Variants in LRMDA observed in about 807,000 individuals in gnomAD.
LRMDA encodes leucine rich melanocyte differentiation associated, also known as leucine-rich melanocyte differentiation-associated protein.
Under a neutral mutation model 29.8 loss-of-function variants are expected in LRMDA, and 18 were observed. The observed-to-expected ratio is 0.60, with a 90% CI of 0.42 to 0.90. The LOEUF is 0.90. LRMDA is among the 40% of genes least tolerant of loss of function. The probability of loss-of-function intolerance (pLI) is 0.00; values close to 1 mark genes in which losing one functional copy is unlikely to be tolerated. For missense variants in LRMDA, 273 were observed against 273.9 expected, an observed-to-expected ratio of 1.00 and a Z score of 0.02; for synonymous variants, 125 against 109.4, an observed-to-expected ratio of 1.14 and a Z score of -0.89.
intron 6 of LRMDA, among the ~76,000 whole-genome samples, chr10:76,513,813 T>C (rs189943982): frequency 6.5e-4 from 99 of 152,308 alleles, no homozygotes; most frequent in African/African-American, 2.3e-3. Flanking sequence ...GGCAGAGGGA[T>C]AGGCAGGTCA....
intron 2 of LRMDA, among the ~76,000 whole-genome samples, chr10:75,630,184 C>T (rs1473338580): frequency 1.3e-5 from 2 of 152,198 alleles, no homozygotes; most frequent in African/African-American, 2.4e-5. Context: ...GCTGCATTTT[C>T]CTCCTGGCTG....
intron 5 of LRMDA, among the ~76,000 whole-genome samples, chr10:76,076,148 C>T (rs1848952763): frequency 6.6e-6 from 1 of 152,034 alleles, no homozygotes; most frequent in Middle Eastern, 3.4e-3. Flanking sequence ...TCAAGACCAT[C>T]CTGGCTAACA....
At chr10:76,058,020 G>A (rs1351908092) in intron 4 of LRMDA, among the ~76,000 whole-genome samples, 1 of 152,208 alleles carries the variant, frequency 6.6e-6, no homozygotes, top group African/African-American at 2.4e-5. Flanking sequence ...GGGAAATGGA[G>A]AGCACCTAGC....
chr10:76,030,721 G>A (rs980044698), intron 2 of LRMDA, among the ~76,000 whole-genome samples: 1 of 152,176 alleles, frequency 6.6e-6, no homozygotes, highest in Admixed American at 6.5e-5. Flanking sequence ...CCTGGGAGGC[G>A]GAGGTTGCAG....
chr10:75,440,863 CTG>C (rs1844318567), intron 2 of LRMDA, among the ~76,000 whole-genome samples: 1 of 152,102 alleles, frequency 6.6e-6, no homozygotes, highest in Non-Finnish European at 1.5e-5. Flanking sequence ...TGGTGAAATC[CTG>C]TCTCTACTAA....
chr10:76,436,791 T>C (rs1038267779), intron 6 of LRMDA, among the ~76,000 whole-genome samples: 1 of 152,174 alleles, frequency 6.6e-6, no homozygotes, highest in African/African-American at 2.4e-5. Context: ...TGACCTTCTA[T>C]AGGTCAGAGC....
rs188949894 is a variant in LRMDA at position 75,572,319 on chromosome 10, T to A, written c.131+133825T>A. On this transcript the variant is annotated intron_variant, in intron 2 of 6. Coordinates refer to ENST00000611255, the MANE Select transcript of LRMDA (RefSeq NM_001305581.2). ...ACATGGAATAAAAACTCTACCCCTA[T>A]TCCCTGTCTTCTTTTTCAGCTTTTT... Among the ~76,000 whole-genome samples the A allele has an allele frequency of 6.5e-3, 982 of 152,134 alleles. 14 individuals carry two copies. The highest frequency in any genetic ancestry group is 0.022 in the African/African-American group (917 of 41,510).
At chr10:75,644,618 G>C (rs919503791) in intron 2 of LRMDA, among the ~76,000 whole-genome samples, 1 of 152,124 alleles carries the variant, frequency 6.6e-6, no homozygotes, top group Non-Finnish European at 1.5e-5. Flanking sequence ...CGGCTGGGTT[G>C]TGGGTCCAGG....
In LRMDA at chr10:76,179,667, A is replaced by G. The variant is rs569320344; in HGVS notation, c.516+120884A>G. 2.0e-5 allele frequency among the ~76,000 whole-genome samples: 3 copies of G among 152,338 alleles called. No individual in the cohort carries two copies. In the East Asian group the frequency reaches 5.8e-4, roughly 29 times the overall value. ...TTTATTCTTTGTAATTGCTAAGGGC[A>G]CAGCTAGAATCCACGGACATATTTA... On this transcript the variant is annotated intron_variant, in intron 5 of 6. Transcript: ENST00000611255.
chr10:76,327,668 A>AG (rs1374753582), intron 6 of LRMDA, among the ~76,000 whole-genome samples: 1 of 152,164 alleles, frequency 6.6e-6, no homozygotes, highest in Non-Finnish European at 1.5e-5. Flanking sequence ...ATAGGAACCC[A>AG]GGGGAAGGGT....
At chr10:76,231,007 C>T (rs919289256) in intron 5 of LRMDA, among the ~76,000 whole-genome samples, 2 of 152,106 alleles carry the variant, frequency 1.3e-5, no homozygotes, top group Admixed American at 1.3e-4. Flanking sequence ...AAACTATTAG[C>T]TTGTTTGCAA....
At position 76,541,222 on chromosome 10, in the gene LRMDA, C is replaced by T. The variant is rs1564571146; in HGVS notation, c.602-15987C>T. Among the ~76,000 whole-genome samples the T allele has an allele frequency of 3.3e-5, 5 of 152,124 alleles. No homozygotes were observed. The South Asian group carries it at 1.0e-3, about 31-fold the overall frequency. ...GTGCCCTAATAGAGAAGGGTGAAGC[C>T]GGGAATGCTGGCTCACGCCTGTAAT... is the stretch of plus-strand genomic sequence containing the variant. On this transcript the variant is annotated intron_variant, in intron 6 of 6. Coordinates refer to ENST00000611255, the MANE Select transcript of LRMDA (RefSeq NM_001305581.2).
At chr10:76,513,950 A>G (rs1379815730) in intron 6 of LRMDA, among the ~76,000 whole-genome samples, 3 of 152,160 alleles carry the variant, frequency 2.0e-5, no homozygotes, top group African/African-American at 7.2e-5. Context: ...CTTTTCTGTC[A>G]TTATTGAATA....
At chr10:76,041,435 T>C (rs574244699) in intron 3 of LRMDA, among the ~76,000 whole-genome samples, 1 of 152,364 alleles carries the variant, frequency 6.6e-6, no homozygotes, top group East Asian at 1.9e-4. Flanking sequence ...GTTTCCTTAA[T>C]TGTTATTTCA....
intron 2 of LRMDA, among the ~76,000 whole-genome samples, chr10:75,799,779 C>T (rs1346323094): frequency 1.3e-5 from 2 of 151,628 alleles, no homozygotes. Context: ...CTCCTGGCCT[C>T]AAGTGATCCG....
At chr10:76,482,817 C>G (rs1426816707) in intron 6 of LRMDA, among the ~76,000 whole-genome samples, 2 of 151,892 alleles carry the variant, frequency 1.3e-5, no homozygotes, top group East Asian at 1.9e-4. Flanking sequence ...AGCAGTTGTT[C>G]CATACAGCAT....
intron 2 of LRMDA, among the ~76,000 whole-genome samples, chr10:75,896,529 G>C (rs562305198): frequency 3.9e-5 from 6 of 152,302 alleles, no homozygotes; most frequent in Admixed American, 3.3e-4. Flanking sequence ...CCTGTGGCCT[G>C]TGGTGTTGCC....
chr10:75,765,330 A>G (rs1843149592), intron 2 of LRMDA, among the ~76,000 whole-genome samples: 1 of 151,948 alleles, frequency 6.6e-6, no homozygotes, highest in African/African-American at 2.4e-5. Context: ...AACTGAGGAC[A>G]CTAGTTATTG....
chr10:76,145,046 T>A (rs536661625), intron 5 of LRMDA, among the ~76,000 whole-genome samples: 1 of 152,316 alleles, frequency 6.6e-6, no homozygotes, highest in African/African-American at 2.4e-5. Flanking sequence ...TGAAGCCCAG[T>A]TGATCATGGA....
Sources: allele counts gnomAD v4.1 joint callset (sites outside exome capture counted in the v4.1 genomes callset), GRCh38; gene constraint gnomAD v4.1.1; transcripts MANE v1.5; gene names NCBI Gene and HGNC (gene_info 2026-07-23, HGNC 2026-07-21).